The following SMPD3 variants were observed in gnomAD, a reference collection of about 807,000 sequenced individuals.
SMPD3 encodes nSMase-2.
Under a neutral mutation model 55.7 loss-of-function variants are expected in SMPD3, and 21 were observed. The ratio of observed to expected loss-of-function variants is 0.38; its 90% CI spans 0.27 to 0.54. The LOEUF (loss-of-function observed/expected upper bound fraction) is 0.54. Among genes scored for constraint, SMPD3 ranks in the 20% least tolerant of loss-of-function variants. The pLI, the probability that SMPD3 is intolerant of heterozygous loss-of-function variation, is 0.80. For synonymous variants in SMPD3, 457 were observed against 404.3 expected (o/e 1.13, Z -1.56); for missense variants, 842 against 899.6 (o/e 0.94, Z 0.82).
intron 1 of SMPD3, among the ~76,000 whole-genome samples, chr16:68,394,808 T>C (rs1187612320): frequency 6.6e-6 from 1 of 152,140 alleles, no homozygotes; most frequent in Admixed American, 6.5e-5. Flanking sequence ...TAAGGGAAAA[T>C]AGAAAAAACA....
intron 5 of SMPD3, among the ~76,000 whole-genome samples, chr16:68,364,166 T>G (rs1261265922): frequency 1.4e-5 from 2 of 147,122 alleles, no homozygotes; most frequent in Admixed American, 1.3e-4. Flanking sequence ...AAGGTCCATG[T>G]GGTCATCGGA....
chr16:68,428,467 G>A (rs925055369), intron 1 of SMPD3, among the ~76,000 whole-genome samples: 6 of 152,184 alleles, frequency 3.9e-5, no homozygotes, highest in African/African-American at 1.4e-4. Flanking sequence ...GCAGCAGAAG[G>A]GCCTGGGCAG....
rs1453270587 is a variant in SMPD3, at chr16:68,372,163, G to C, written c.19C>G (p.Pro7Ala). The C allele has an allele frequency of 6.2e-7, 1 of 1,612,402 alleles. No homozygotes were observed. MVLYTT[P>A]FPNSCLSALH... ...GCGGACAGACAGCTGTTAGGAAAGGGGGTCGTGTACAAAACCATCGCAGCT... is the reference window on the plus strand; with the variant it reads ...GCGGACAGACAGCTGTTAGGAAAGGCGGTCGTGTACAAAACCATCGCAGCT... The change falls in exon 3 of 9, where the codon CCC (proline) becomes GCC (alanine). Residue 7 changes from proline (P) to alanine (A), a missense_variant. Physicochemically the swap from Pro to Ala is conservative, Grantham distance 27. Around this residue, in one of 2 missense-constraint regions of SMPD3, gnomAD observed 193 missense variants for 256.0 expected, o/e 0.75. Coordinates refer to ENST00000219334, the MANE Select transcript of SMPD3 (RefSeq NM_018667.4).
chr16:68,376,582 T>C (rs1276300834), intron 2 of SMPD3, among the ~76,000 whole-genome samples: 1 of 152,230 alleles, frequency 6.6e-6, no homozygotes, highest in African/African-American at 2.4e-5. Flanking sequence ...ATTTGTCCCC[T>C]TTGCGAATCC....
intron 1 of SMPD3, among the ~76,000 whole-genome samples, chr16:68,411,122 G>A (rs543450834): frequency 6.6e-6 from 1 of 152,392 alleles, no homozygotes; most frequent in East Asian, 1.9e-4. Flanking sequence ...CTGTGGGCAT[G>A]AGGGAGGGCA....
At chr16:68,365,155 A>C in intron 3 of SMPD3, 63 bp from the exon 4 acceptor site, 1 of 1,555,050 alleles carries the variant, frequency 6.4e-7, no homozygotes, top group Non-Finnish European at 8.8e-7. Context: ...AGCACAGGAC[A>C]CTGGCAGTGC....
intron 2 of SMPD3, among the ~76,000 whole-genome samples, chr16:68,375,550 G>C (rs897459777): frequency 2.6e-5 from 4 of 152,202 alleles, no homozygotes; most frequent in Admixed American, 1.3e-4. Flanking sequence ...CCCGTGTGGC[G>C]CATCCCTGAC....
At chr16:68,411,606 T>C (rs990004735) in intron 1 of SMPD3, among the ~76,000 whole-genome samples, 3 of 152,146 alleles carry the variant, frequency 2.0e-5, no homozygotes, top group African/African-American at 4.8e-5. Flanking sequence ...GTGGAAGTGA[T>C]AATGGATAAC....
chr16:68,419,411 G>A (rs533284669), intron 1 of SMPD3, among the ~76,000 whole-genome samples: 5 of 152,314 alleles, frequency 3.3e-5, no homozygotes, highest in African/African-American at 1.2e-4. Context: ...GGTGATGGCT[G>A]GGTGGCCAGG....
chr16:68,365,056 C>T lies in SMPD3; in HGVS notation c.1360G>A (p.Val454Ile), dbSNP rs200582075. Residue 454 changes from valine (V) to isoleucine (I), a missense_variant, in exon 4 of 9, where the codon GTC (valine) becomes ATC (isoleucine). This residue lies in a region of SMPD3 where 649 missense variants were observed against 643.6 expected (regional missense o/e 1.01). Transcript: ENST00000219334. ...AGGTGTGTGCAGGCGATGTACCCGACGATTCTTTGGTCCTGAGGTGTGCTT... is the reference window on the plus strand; with the variant it reads ...AGGTGTGTGCAGGCGATGTACCCGATGATTCTTTGGTCCTGAGGTGTGCTT... Reference protein sequence around the residue: ...VGSTPQDQRIVGYIACTHLHA... With the variant: ...VGSTPQDQRIIGYIACTHLHA... 1,097 of 1,614,098 alleles carry T rather than the reference C, an allele frequency of 6.8e-4. No individual in the cohort carries two copies. Among genetic ancestry groups the T allele is most frequent in the Non-Finnish European group, 8.7e-4 (1,021 of 1,180,014 alleles).
At position 68,382,848 on chromosome 16, in the gene SMPD3, T is replaced by G. The variant is rs534491307; in HGVS notation, c.-207+3750A>C. 3.9e-5 allele frequency among the ~76,000 whole-genome samples: 6 copies of G among 152,250 alleles called. No homozygotes were observed. The East Asian group carries it at 9.6e-4, about 24-fold the overall frequency. Reference sequence around the variant, plus strand: ...TTTTTGTTTGTTTTGTTTTGTTTTGTTTTTTGTTTTGGAGATGGAGTCTCG... The same window carrying G: ...TTTTTGTTTGTTTTGTTTTGTTTTGGTTTTTGTTTTGGAGATGGAGTCTCG... On this transcript the variant is annotated intron_variant, in intron 2 of 8. Coordinates refer to ENST00000219334, the MANE Select transcript of SMPD3 (RefSeq NM_018667.4).
At chr16:68,382,412 G>C (rs915445992) in intron 2 of SMPD3, among the ~76,000 whole-genome samples, 2 of 152,280 alleles carry the variant, frequency 1.3e-5, no homozygotes, top group Admixed American at 6.5e-5. Flanking sequence ...AAGCAGGGAG[G>C]CTGGGGGCAC....
chr16:68,366,923 G>A (rs1227410728), intron 3 of SMPD3, among the ~76,000 whole-genome samples: 3 of 151,438 alleles, frequency 2.0e-5, no homozygotes, highest in Non-Finnish European at 2.9e-5. Context: ...CAGGAGAATC[G>A]CTTGAACCTT....
intron 1 of SMPD3, among the ~76,000 whole-genome samples, chr16:68,442,212 T>C (rs1316123988): frequency 6.6e-6 from 1 of 151,900 alleles, no homozygotes; most frequent in Non-Finnish European, 1.5e-5. Flanking sequence ...AAAATCTGGG[T>C]TCTAAGCCCC....
At chr16:68,410,198 C>A (rs1219107016) in intron 1 of SMPD3, among the ~76,000 whole-genome samples, 1 of 152,182 alleles carries the variant, frequency 6.6e-6, no homozygotes, top group African/African-American at 2.4e-5. Context: ...ACGAATGCCC[C>A]GTGGGTGCTG....
chr16:68,370,432 A>G (rs1399581211), intron 3 of SMPD3, among the ~76,000 whole-genome samples: 1 of 152,032 alleles, frequency 6.6e-6, no homozygotes, highest in African/African-American at 2.4e-5. Flanking sequence ...CTGCCTCGTT[A>G]TGAACCGACA....
Position 68,443,201 on chromosome 16 carries a change from A to G in SMPD3, c.-269+5152T>C, listed in dbSNP as rs376716241. Among the ~76,000 whole-genome samples the G allele has an allele frequency of 2.8e-4, 42 of 152,204 alleles. No homozygotes were observed. In the Middle Eastern group the frequency reaches 0.024, roughly 86 times the overall value. The stretch of plus-strand genomic sequence containing the variant: ...AGACTTGTGGTCTGAAATTCACCAA[A>G]CCCCAAACCTGCCCACCTTCTGGAG... On this transcript the variant is annotated intron_variant, in intron 1 of 8. Coordinates refer to ENST00000219334, the MANE Select transcript of SMPD3 (RefSeq NM_018667.4).
At chr16:68,440,516 A>ATATTAAATAACAAAAAGTTCTC (rs2090557616) in intron 1 of SMPD3, among the ~76,000 whole-genome samples, 1 of 152,230 alleles carries the variant, frequency 6.6e-6, no homozygotes, top group African/African-American at 2.4e-5. Flanking sequence ...TGCAAATTCT[A>ATATTAAATAACAAAAAGTTCTC]TATTAAATAA....
chr16:68,391,755 A>G (rs1024736757), intron 1 of SMPD3, among the ~76,000 whole-genome samples: 1 of 152,170 alleles, frequency 6.6e-6, no homozygotes, highest in Non-Finnish European at 1.5e-5. Flanking sequence ...TGGTGTTATG[A>G]ACCGAATGTT....
Sources: gnomAD v4.1 joint callset for allele counts (sites outside exome capture counted in the v4.1 genomes callset) on GRCh38, gnomAD v4.1.1 for gene constraint, gnomAD v4.1.1 regional missense constraint, MANE v1.5 for transcripts, NCBI Gene and HGNC (gene_info 2026-07-23, HGNC 2026-07-21) for gene names.